DLGAP2: variants seen among roughly 807,000 people sequenced by gnomAD.
DLGAP2 encodes disks large-associated protein 2.
A neutral mutation model predicts 100.3 loss-of-function variants in DLGAP2; 26 were observed. The observed-to-expected ratio is 0.26, with a 90% confidence interval of 0.19 to 0.36. The LOEUF (loss-of-function observed/expected upper bound fraction) is 0.36. Ranked by LOEUF, DLGAP2 falls within the 10% of genes least tolerant of loss-of-function variation. The probability of loss-of-function intolerance (pLI) is 1.00; values close to 1 mark genes in which losing one functional copy is unlikely to be tolerated. For missense variants in DLGAP2, 1,858 were observed against 1,453.2 expected (o/e 1.28, Z -4.53); for synonymous variants, 886 against 630.1 (o/e 1.41, Z -6.08).
chr8:1,323,826 C>G (rs935862555), intron 3 of DLGAP2, among the ~76,000 whole-genome samples: 19 of 152,214 alleles, frequency 1.2e-4, no homozygotes, highest in African/African-American at 3.1e-4. Context: ...TCCTAACCAC[C>G]TGTTCCTGGA....
intron 1 of DLGAP2, among the ~76,000 whole-genome samples, chr8:906,714 G>A (rs963797328): frequency 1.3e-5 from 2 of 152,172 alleles, no homozygotes; most frequent in Admixed American, 6.5e-5. Context: ...TCCCTGCCCC[G>A]ACTGTCTCAC....
At chr8:1,080,571 A>G (rs1431465822) in intron 2 of DLGAP2, among the ~76,000 whole-genome samples, 2 of 151,952 alleles carry the variant, frequency 1.3e-5, no homozygotes, top group African/African-American at 4.8e-5. Flanking sequence ...GGGGTGGGAA[A>G]GCTGCAGGGA....
At chr8:1,263,556 G>A (rs1286203209) in intron 3 of DLGAP2, among the ~76,000 whole-genome samples, 2 of 152,132 alleles carry the variant, frequency 1.3e-5, no homozygotes, top group Non-Finnish European at 2.9e-5. Flanking sequence ...TTAAGTTCTT[G>A]CTTTTTAAAT....
chr8:1,450,732 G>A (rs1798135903), intron 3 of DLGAP2, among the ~76,000 whole-genome samples: 1 of 152,156 alleles, frequency 6.6e-6, no homozygotes, highest in Admixed American at 6.5e-5. Flanking sequence ...CCAAGCGACA[G>A]GCACCGTCCT....
In DLGAP2 at chr8:1,234,409, A is replaced by T. The variant is rs79069415; in HGVS notation, c.74-24442A>T. Among the ~76,000 whole-genome samples, 326 of 152,290 alleles carry T rather than the reference A, an allele frequency of 2.1e-3. 2 individuals carry two copies. Among genetic ancestry groups the T allele is most frequent in the African/African-American group, 7.7e-3 (318 of 41,554 alleles). On this transcript the variant is annotated intron_variant, in intron 2 of 14. Coordinates refer to ENST00000637795, the MANE Select transcript of DLGAP2 (RefSeq NM_001346810.2). The stretch of plus-strand genomic sequence containing the variant: ...CTGTGGTGGCATCACCCCGATCCTC[A>T]CATGACACTCCCTGTGGGTCTGATT...
chr8:1,174,603 T>C (rs894659886), intron 2 of DLGAP2, among the ~76,000 whole-genome samples: 3 of 151,626 alleles, frequency 2.0e-5, no homozygotes, highest in African/African-American at 7.3e-5. Context: ...GTCATCATCA[T>C]TACATCACCA....
intron 3 of DLGAP2, among the ~76,000 whole-genome samples, chr8:1,322,271 A>T (rs1800918379): frequency 6.6e-6 from 1 of 152,260 alleles, no homozygotes; most frequent in Non-Finnish European, 1.5e-5. Flanking sequence ...ATACAATTTT[A>T]GTTAAAAGCC....
At chr8:1,514,442 A>G (rs1342872030) in intron 4 of DLGAP2, among the ~76,000 whole-genome samples, 1 of 152,278 alleles carries the variant, frequency 6.6e-6, no homozygotes, top group Non-Finnish European at 1.5e-5. Context: ...ATTGTATAAA[A>G]TTCAGCTACT....
chr8:906,930 T>G (rs1398839135), intron 1 of DLGAP2, among the ~76,000 whole-genome samples: 1 of 152,250 alleles, frequency 6.6e-6, no homozygotes, highest in East Asian at 1.9e-4. Context: ...GAGAGAATTG[T>G]TCTTTTTTCA....
At chr8:1,521,785 G>A (rs1293952959) in intron 4 of DLGAP2, among the ~76,000 whole-genome samples, 2 of 132,920 alleles carry the variant, frequency 1.5e-5, no homozygotes, top group South Asian at 3.0e-4. Flanking sequence ...TGGAATACTC[G>A]GGCGGCAGGT....
intron 2 of DLGAP2, among the ~76,000 whole-genome samples, chr8:1,067,873 G>C (rs1434731899): frequency 1.3e-5 from 2 of 151,958 alleles, no homozygotes; most frequent in African/African-American, 4.8e-5. Flanking sequence ...GGTTTGGGCA[G>C]GTGTTTGATG....
chr8:1,163,825 G>C (rs1199438921), intron 2 of DLGAP2, among the ~76,000 whole-genome samples: 1 of 152,186 alleles, frequency 6.6e-6, no homozygotes, highest in Non-Finnish European at 1.5e-5. Context: ...GGGTGTGCTT[G>C]GGTACGGAGG....
In DLGAP2 at chr8:1,308,274, G is replaced by C. The variant is rs60726558; in HGVS notation, c.106+49391G>C. 1.1e-3 allele frequency among the ~76,000 whole-genome samples: 173 copies of C among 152,294 alleles called. 1 individual carries two copies. Among genetic ancestry groups the C allele is most frequent in the African/African-American group, 4.0e-3 (165 of 41,564 alleles). ...GAGATATCTGTCAACATACTAGCTT[G>C]AAACAACCTTAAGAAACAGAGACTC... On this transcript the variant is annotated intron_variant, in intron 3 of 14. Coordinates refer to ENST00000637795, the MANE Select transcript of DLGAP2 (RefSeq NM_001346810.2).
intron 2 of DLGAP2, among the ~76,000 whole-genome samples, chr8:940,665 A>G (rs1386466009): frequency 6.6e-6 from 1 of 151,998 alleles, no homozygotes; most frequent in Non-Finnish European, 1.5e-5. Flanking sequence ...AGTTTGGAAA[A>G]CCAAAGTTCA....
chr8:1,575,230 C>T (rs1294893047), intron 6 of DLGAP2, among the ~76,000 whole-genome samples: 1 of 152,100 alleles, frequency 6.6e-6, no homozygotes, highest in Non-Finnish European at 1.5e-5. Flanking sequence ...AGTGCTGTGG[C>T]AAACGTGGGA....
At chr8:1,474,159 C>T (rs1269002103) in intron 3 of DLGAP2, among the ~76,000 whole-genome samples, 2 of 152,158 alleles carry the variant, frequency 1.3e-5, no homozygotes, top group East Asian at 3.9e-4. Context: ...TGAGTTACTT[C>T]CCTTAGAATA....
chr8:771,691 G>A (rs1174553222), intron 1 of DLGAP2, among the ~76,000 whole-genome samples: 1 of 152,224 alleles, frequency 6.6e-6, no homozygotes, highest in Non-Finnish European at 1.5e-5. Flanking sequence ...GGCCTCTGGG[G>A]CTCTGCCCCA....
chr8:800,236 G>C (rs186248299), intron 1 of DLGAP2, among the ~76,000 whole-genome samples: 1 of 152,230 alleles, frequency 6.6e-6, no homozygotes, highest in Admixed American at 6.5e-5. Flanking sequence ...AGAATCATCA[G>C]TGTTCCCTGG....
chr8:1,291,623 A>T (rs1254506588), intron 3 of DLGAP2, among the ~76,000 whole-genome samples: 1 of 152,170 alleles, frequency 6.6e-6, no homozygotes, highest in East Asian at 1.9e-4. Flanking sequence ...TATCTTTAAA[A>T]TTACGGGATC....
Sources: gnomAD v4.1 joint callset for allele counts (sites outside exome capture counted in the v4.1 genomes callset) on GRCh38, gnomAD v4.1.1 for gene constraint, MANE v1.5 for transcripts, NCBI Gene and HGNC (gene_info 2026-07-23, HGNC 2026-07-21) for gene names.